The following TGFBR3 variants were observed in gnomAD, a reference collection of about 807,000 sequenced individuals.
TGFBR3 encodes the protein transforming growth factor beta receptor 3.
In TGFBR3, 46 loss-of-function variants were observed where a neutral mutation model predicts 87.9. The ratio of observed to expected loss-of-function variants is 0.52; its 90% CI spans 0.41 to 0.67. The LOEUF is 0.67. TGFBR3 is among the 30% of genes least tolerant of loss of function. The pLI is 0.00. For synonymous variants in TGFBR3, 381 were observed against 391.6 expected, an observed-to-expected ratio of 0.97 and a Z score of 0.32; for missense variants, 866 against 1,041.9, an observed-to-expected ratio of 0.83 and a Z score of 2.32.
chr1:91,735,726 A>ACATC (rs1486475390), intron 4 of TGFBR3, among the ~76,000 whole-genome samples: 1 of 152,202 alleles, frequency 6.6e-6, no homozygotes, highest in Non-Finnish European at 1.5e-5. Flanking sequence ...TGTAATTAAC[A>ACATC]CATCCAAAGG....
intron 13 of TGFBR3, 95 bp from the exon 14 acceptor site, chr1:91,708,878 A>G: frequency 5.2e-6 from 8 of 1,523,930 alleles, no homozygotes; most frequent in Non-Finnish European, 7.1e-6. Context: ...CTTTTATCAG[A>G]CAGCACACAG....
Position 91,682,849 on chromosome 1 carries a change from C to G in TGFBR3, c.*890G>C, listed in dbSNP as rs1670956446. ...GTGACATATTATATACTTGTACTTG[C>G]ATACACATAGAAATATATCACTGTG... On this transcript the variant is annotated 3_prime_UTR_variant, in exon 17 of 17. Transcript: ENST00000212355. The G allele has an allele frequency of 2.2e-6, 1 of 453,456 alleles. No homozygotes were observed. 28.1% of individuals were successfully genotyped at this position (453,456 alleles called of 1,614,324 possible).
At position 91,734,965 on chromosome 1, in the gene TGFBR3, G is replaced by A. The variant is rs1672912237; in HGVS notation, c.385-6C>T. ...ACCACAGAACCCTCAGACACCTAGAGGAAAGAGAATTGCGTATTTAACATG... is the reference window on the plus strand; with the variant it reads ...ACCACAGAACCCTCAGACACCTAGAAGAAAGAGAATTGCGTATTTAACATG... On this transcript the variant is annotated splice_region_variant and splice_polypyrimidine_tract_variant and intron_variant, in intron 4 of 16. Transcript: ENST00000212355. 6.2e-7 allele frequency: 1 copy of A among 1,613,856 alleles called. No homozygotes were observed. The highest frequency in any genetic ancestry group is 1.1e-5 in the South Asian group (1 of 91,080).
intron 2 of TGFBR3, among the ~76,000 whole-genome samples, chr1:91,895,450 T>C (rs1679534454): frequency 6.6e-6 from 1 of 152,052 alleles, no homozygotes; most frequent in African/African-American, 2.4e-5. Flanking sequence ...ATGAGCCAAT[T>C]AAACCTCTTT....
At chr1:91,861,444 A>G (rs772167004) in intron 2 of TGFBR3, 27 bp downstream of exon 2, 1 of 1,552,522 alleles carries the variant, frequency 6.4e-7, no homozygotes, top group South Asian at 1.1e-5. Flanking sequence ...TATATAACAA[A>G]TATGCAATTT....
At chr1:91,717,725 A>G (rs1309349248) in intron 10 of TGFBR3, among the ~76,000 whole-genome samples, 1 of 151,358 alleles carries the variant, frequency 6.6e-6, no homozygotes, top group East Asian at 1.9e-4. Context: ...TCTCTGTACC[A>G]GGTCCTCCAA....
chr1:91,838,320 T>G (rs946143160), intron 2 of TGFBR3, among the ~76,000 whole-genome samples: 1 of 152,152 alleles, frequency 6.6e-6, no homozygotes, highest in Non-Finnish European at 1.5e-5. Context: ...CTGAGGAAAT[T>G]TTTAAATATT....
At chr1:91,892,621 C>T (rs955526687) in intron 2 of TGFBR3, among the ~76,000 whole-genome samples, 7 of 152,102 alleles carry the variant, frequency 4.6e-5, no homozygotes, top group African/African-American at 2.4e-5. Flanking sequence ...TCTCCCTGAA[C>T]CCTCTCTGTT....
intron 2 of TGFBR3, among the ~76,000 whole-genome samples, chr1:91,842,455 C>T (rs891698948): frequency 2.6e-5 from 4 of 152,160 alleles, no homozygotes; most frequent in East Asian, 1.9e-4. Context: ...GCACCGCCAC[C>T]GTTCTTGAGC....
intron 7 of TGFBR3, among the ~76,000 whole-genome samples, chr1:91,722,487 TA>T (rs1242633145): frequency 1.2e-3 from 54 of 44,604 alleles, no homozygotes; most frequent in Middle Eastern, 0.011. Context: ...TACATATGTA[TA>T]ATAAACTTTC....
intron 1 of TGFBR3, among the ~76,000 whole-genome samples, chr1:91,879,955 A>G (rs781713401): frequency 6.6e-6 from 1 of 152,196 alleles, no homozygotes; most frequent in African/African-American, 2.4e-5. Context: ...TAGACACTGA[A>G]CAAATTAGCA....
chr1:91,681,954 T>C lies in TGFBR3; in HGVS notation c.*1785A>G. ...TAAACTCATGTCTTCTTCGTTTGTATATGGAAATCTAGAAATTTTTCAGTA... is the reference window on the plus strand; with the variant it reads ...TAAACTCATGTCTTCTTCGTTTGTACATGGAAATCTAGAAATTTTTCAGTA... On this transcript the variant is annotated 3_prime_UTR_variant, in exon 17 of 17. Transcript: ENST00000212355. 3 of 453,516 alleles carry C rather than the reference T, an allele frequency of 6.6e-6. 1 individual carries two copies. Among genetic ancestry groups the C allele is most frequent in the South Asian group, 4.7e-5 (3 of 64,182 alleles). The allele number at this position is 453,516 out of a possible 1,614,324, so 28.1% of individuals were successfully genotyped here. A position where few individuals can be genotyped will look rare whatever the true frequency, so the allele number is the denominator to read the frequency against.
intron 8 of TGFBR3, among the ~76,000 whole-genome samples, chr1:91,721,124 A>C (rs1034195975): frequency 2.0e-5 from 3 of 152,228 alleles, no homozygotes; most frequent in African/African-American, 7.2e-5. Flanking sequence ...CTGGAAGTGA[A>C]GATGATAGTT....
chr1:91,681,421 T>G lies in TGFBR3; in HGVS notation c.*2318A>C. 2.7e-6 allele frequency: 1 copy of G among 376,992 alleles called. No individual in the cohort carries two copies. The highest frequency in any genetic ancestry group is 5.1e-6 in the Non-Finnish European group (1 of 197,196). 23.4% of individuals were successfully genotyped at this position (376,992 alleles called of 1,614,324 possible). On this transcript the variant is annotated 3_prime_UTR_variant, in exon 17 of 17. Transcript: ENST00000212355. The stretch of plus-strand genomic sequence containing the variant: ...CTCTCTCTCTCTTTTAAAAAGATCT[T>G]TTGGTTTGCATCTATAAATTTGTAA...
At chr1:91,901,051 T>C (rs1281875826) in intron 1 of TGFBR3, among the ~76,000 whole-genome samples, 1 of 152,194 alleles carries the variant, frequency 6.6e-6, no homozygotes, top group Non-Finnish European at 1.5e-5. Context: ...CTATTTTAAA[T>C]TTTTTAAGAG....
chr1:91,772,834 T>C (rs777355319), intron 3 of TGFBR3, among the ~76,000 whole-genome samples: 28 of 152,342 alleles, frequency 1.8e-4, no homozygotes, highest in African/African-American at 3.4e-4. Flanking sequence ...AGTACACATT[T>C]CAGACAATTT....
intron 2 of TGFBR3, among the ~76,000 whole-genome samples, chr1:91,847,190 C>A (rs1677534808): frequency 6.6e-6 from 1 of 152,162 alleles, no homozygotes; most frequent in South Asian, 2.1e-4. Flanking sequence ...TCAGTCTTAT[C>A]CCCACTTATA....
At chr1:91,699,431 CTTTTT>C (rs60223260) in intron 14 of TGFBR3, among the ~76,000 whole-genome samples, 7 of 80,836 alleles carry the variant, frequency 8.7e-5, no homozygotes, top group Admixed American at 2.0e-4. Flanking sequence ...CTTTCTTTTG[CTTTTT>C]TTTTTTTTTT....
upstream of TGFBR3, chr1:91,886,411 G>C (rs1382082961): frequency 6.0e-6 from 2 of 336,062 alleles, no homozygotes; most frequent in South Asian, 2.2e-5. Context: ...AGGAGGCCGA[G>C]AGAGAAGGGG....
Sources: gnomAD v4.1 joint callset for allele counts (sites outside exome capture counted in the v4.1 genomes callset) on GRCh38, gnomAD v4.1.1 for gene constraint, MANE v1.5 for transcripts, NCBI Gene and HGNC (gene_info 2026-07-23, HGNC 2026-07-21) for gene names.